Variants in ZNF407 observed in about 807,000 individuals in gnomAD.
The protein encoded by ZNF407 is zinc finger protein 407.
ZNF407 carries 17 observed loss-of-function variants against 131.2 expected under a neutral mutation model. The ratio of observed to expected loss-of-function variants is 0.13; its 90% CI spans 0.09 to 0.19. The LOEUF is 0.19. Among genes scored for constraint, ZNF407 ranks in the 10% least tolerant of loss-of-function variants. The pLI is 1.00. For synonymous variants in ZNF407, 1,156 were observed against 1,062.0 expected (o/e 1.09, Z -1.72); for missense variants, 2,681 against 2,830.6 (o/e 0.95, Z 1.20).
At chr18:74,807,315 G>T (rs1970124743) in intron 4 of ZNF407, among the ~76,000 whole-genome samples, 1 of 152,164 alleles carries the variant, frequency 6.6e-6, no homozygotes, top group Non-Finnish European at 1.5e-5. Flanking sequence ...TGTGCTGAAG[G>T]AGGGTCCTGT....
At chr18:74,825,072 A>T (rs1376004536) in intron 4 of ZNF407, among the ~76,000 whole-genome samples, 1 of 152,214 alleles carries the variant, frequency 6.6e-6, no homozygotes, top group Non-Finnish European at 1.5e-5. Flanking sequence ...CAAATCAATA[A>T]ATGTAATCCA....
At chr18:74,614,445 C>T (rs935574348) in intron 1 of ZNF407, among the ~76,000 whole-genome samples, 1 of 152,196 alleles carries the variant, frequency 6.6e-6, no homozygotes, top group Admixed American at 6.5e-5. Context: ...GTATTACGTA[C>T]AGTGCATGCA....
chr18:74,687,456 A>T (rs1038701521), intron 3 of ZNF407, among the ~76,000 whole-genome samples: 2 of 152,156 alleles, frequency 1.3e-5, no homozygotes, highest in African/African-American at 4.8e-5. Context: ...CAGGTGGCGG[A>T]TGGATGGCTG....
At chr18:74,707,508 A>G (rs1967654224) in intron 3 of ZNF407, among the ~76,000 whole-genome samples, 1 of 152,138 alleles carries the variant, frequency 6.6e-6, no homozygotes, top group African/African-American at 2.4e-5. Flanking sequence ...CGAGATCCTT[A>G]TGCTCCAGTG....
At chr18:74,944,241 G>A (rs1797533125) in intron 8 of ZNF407, among the ~76,000 whole-genome samples, 1 of 152,090 alleles carries the variant, frequency 6.6e-6, no homozygotes, top group Non-Finnish European at 1.5e-5. Context: ...AATTTAAAAA[G>A]TCTGTTAATT....
Position 74,634,243 on chromosome 18 carries a change from A to T in ZNF407, c.3224A>T (p.Gln1075Leu), listed in dbSNP as rs1269768216. 1.2e-6 allele frequency: 2 copies of T among 1,613,936 alleles called. No homozygotes were observed. Among genetic ancestry groups the T allele is most frequent in the African/African-American group, 2.7e-5 (2 of 74,946 alleles). The change falls in exon 2 of 9, where the codon CAG becomes CTG. Residue 1075 changes from glutamine (Q) to leucine (L), a missense_variant. This residue lies in a region of ZNF407 where 1,789 missense variants were observed against 1,748.7 expected (regional missense o/e 1.02). Coordinates refer to ENST00000299687, the MANE Select transcript of ZNF407 (RefSeq NM_017757.3). The stretch of plus-strand genomic sequence containing the variant: ...ACAGAGAAGCACAAAATGAAAAGGC[A>T]GTCTTATCTCAACTCTGCTAATGTA... Reference protein sequence around the residue: ...AATEKHKMKRQSYLNSANVEA... With the variant: ...AATEKHKMKRLSYLNSANVEA...
chr18:74,769,125 G>A (rs1969308331), intron 3 of ZNF407, among the ~76,000 whole-genome samples: 1 of 152,146 alleles, frequency 6.6e-6, no homozygotes, highest in African/African-American at 2.4e-5. Context: ...CAACCCTAGG[G>A]AAGAGAGATA....
intron 3 of ZNF407, among the ~76,000 whole-genome samples, chr18:74,720,979 CT>C (rs2144870425): frequency 7.0e-6 from 1 of 143,514 alleles, no homozygotes; most frequent in South Asian, 2.2e-4. Context: ...TATTCAGGGT[CT>C]TTTGTGGTTT....
intron 7 of ZNF407, among the ~76,000 whole-genome samples, chr18:74,911,965 T>C (rs1024696040): frequency 3.3e-5 from 5 of 152,186 alleles, no homozygotes; most frequent in African/African-American, 1.2e-4. Flanking sequence ...CTCTTTCCCA[T>C]GCCTGACATC....
intron 3 of ZNF407, among the ~76,000 whole-genome samples, chr18:74,670,223 G>A (rs1241898498): frequency 2.0e-5 from 3 of 152,198 alleles, no homozygotes; most frequent in African/African-American, 4.8e-5. Flanking sequence ...AGGATTCTGT[G>A]TTTTTATAAC....
At chr18:74,708,367 A>C (rs1335037986) in intron 3 of ZNF407, among the ~76,000 whole-genome samples, 5 of 152,216 alleles carry the variant, frequency 3.3e-5, no homozygotes, top group African/African-American at 1.2e-4. Context: ...ATACCATATA[A>C]TTTCCTGGTA....
chr18:74,925,822 C>A (rs1971906020), intron 8 of ZNF407, among the ~76,000 whole-genome samples: 1 of 152,214 alleles, frequency 6.6e-6, no homozygotes, highest in Non-Finnish European at 1.5e-5. Flanking sequence ...TAAATCCATG[C>A]TGACTCACTC....
At chr18:74,776,123 G>A (rs1325815331) in intron 3 of ZNF407, among the ~76,000 whole-genome samples, 1 of 152,170 alleles carries the variant, frequency 6.6e-6, no homozygotes, top group African/African-American at 2.4e-5. Context: ...AGCTGATTTT[G>A]GGAGGGCAGA....
intron 1 of ZNF407, among the ~76,000 whole-genome samples, chr18:74,623,805 A>G (rs1209812272): frequency 2.0e-5 from 3 of 152,156 alleles, no homozygotes. Context: ...ATTTATAGGT[A>G]GAAATGAAGA....
At chr18:74,748,565 T>A (rs1351019515) in intron 3 of ZNF407, among the ~76,000 whole-genome samples, 2 of 152,190 alleles carry the variant, frequency 1.3e-5, no homozygotes, top group East Asian at 3.8e-4. Context: ...CTGCTTCAGT[T>A]TTATCCCTTT....
At chr18:74,824,644 C>T (rs1464273977) in intron 4 of ZNF407, among the ~76,000 whole-genome samples, 1 of 152,016 alleles carries the variant, frequency 6.6e-6, no homozygotes, top group African/African-American at 2.4e-5. Flanking sequence ...ACACATACAC[C>T]CTCCAAAGTC....
chr18:75,028,141 T>C (rs1054720452), intron 8 of ZNF407, among the ~76,000 whole-genome samples: 2 of 152,224 alleles, frequency 1.3e-5, no homozygotes, highest in Non-Finnish European at 2.9e-5. Flanking sequence ...TTTCTAGGCC[T>C]CACTCTGGGA....
intron 4 of ZNF407, among the ~76,000 whole-genome samples, chr18:74,832,554 A>C (rs1467090627): frequency 1.3e-5 from 2 of 151,976 alleles, no homozygotes; most frequent in Non-Finnish European, 2.9e-5. Context: ...TCTTGAGCTC[A>C]CCTGAGTTTG....
At chr18:74,614,861 G>T (rs1374249117) in intron 1 of ZNF407, among the ~76,000 whole-genome samples, 1 of 152,174 alleles carries the variant, frequency 6.6e-6, no homozygotes, top group Non-Finnish European at 1.5e-5. Flanking sequence ...TTCATGAATG[G>T]CAGAATGACA....
Sources: allele counts gnomAD v4.1 joint callset (sites outside exome capture counted in the v4.1 genomes callset), GRCh38; gene constraint gnomAD v4.1.1; regional missense constraint gnomAD v4.1.1; transcripts MANE v1.5; gene names NCBI Gene and HGNC (gene_info 2026-07-23, HGNC 2026-07-21).